Variants in C7 observed in about 807,000 individuals in gnomAD.
C7 encodes complement component C7.
A neutral mutation model predicts 104.8 loss-of-function variants in C7; 83 were observed. That is an observed-to-expected ratio of 0.79 (90% CI 0.66 to 0.95). The LOEUF is 0.95. Ranked by LOEUF, C7 falls within the 40% of genes least tolerant of loss-of-function variation. C7 has a pLI of 0.00. For synonymous variants in C7, 415 were observed against 360.6 expected (o/e 1.15, Z -1.71); for missense variants, 1,070 against 1,011.2 (o/e 1.06, Z -0.79).
intron 6 of C7, among the ~76,000 whole-genome samples, chr5:40,938,106 A>G (rs1244020260): frequency 6.6e-6 from 1 of 152,094 alleles, no homozygotes; most frequent in South Asian, 2.1e-4. Flanking sequence ...TGGATAACAT[A>G]TATGTGTAAT....
At chr5:40,966,219 G>A (rs796407080) in intron 14 of C7, among the ~76,000 whole-genome samples, 1 of 152,016 alleles carries the variant, frequency 6.6e-6, no homozygotes, top group African/African-American at 2.4e-5. Flanking sequence ...CACTCAGGCA[G>A]TACACACTGC....
At chr5:40,916,459 G>C (rs1739318837) in intron 1 of C7, among the ~76,000 whole-genome samples, 1 of 152,158 alleles carries the variant, frequency 6.6e-6, no homozygotes. Context: ...TTTAAAATCA[G>C]CCATTTGCAC....
intron 10 of C7, among the ~76,000 whole-genome samples, chr5:40,956,255 G>T (rs1252397861): frequency 6.6e-6 from 1 of 152,178 alleles, no homozygotes; most frequent in Non-Finnish European, 1.5e-5. Context: ...CCTAGAAAAA[G>T]ACCTGAAGCT....
intron 4 of C7, among the ~76,000 whole-genome samples, chr5:40,934,742 T>A (rs1739778857): frequency 6.6e-6 from 1 of 152,176 alleles, no homozygotes; most frequent in Non-Finnish European, 1.5e-5. Flanking sequence ...TTCTTGACAG[T>A]GTATTTTGAG....
At chr5:40,910,785 C>G (rs555369895) in intron 1 of C7, among the ~76,000 whole-genome samples, 2 of 136,564 alleles carry the variant, frequency 1.5e-5, no homozygotes, top group Non-Finnish European at 3.1e-5. Context: ...AGGTGAGACT[C>G]TCTCTCAAAA....
At chr5:40,921,533 C>T (rs1739437880) in intron 1 of C7, among the ~76,000 whole-genome samples, 1 of 151,704 alleles carries the variant, frequency 6.6e-6, no homozygotes, top group African/African-American at 2.4e-5. Flanking sequence ...AGGTATCACA[C>T]TACCTGCTTT....
chr5:40,964,257 G>T (rs1388993561), intron 13 of C7, among the ~76,000 whole-genome samples: 2 of 151,508 alleles, frequency 1.3e-5, no homozygotes, highest in East Asian at 1.9e-4. Flanking sequence ...TGGCCAGGCT[G>T]GTCTCGAACT....
chr5:40,946,866 T>G (rs1374708286), intron 7 of C7, among the ~76,000 whole-genome samples: 1 of 151,882 alleles, frequency 6.6e-6, no homozygotes, highest in African/African-American at 2.4e-5. Flanking sequence ...AAGACCAGCC[T>G]GGCCAACATG....
intron 11 of C7, 27 bp downstream of exon 11, chr5:40,958,288 A>AC: frequency 7.1e-7 from 1 of 1,399,456 alleles, no homozygotes. Context: ...TTCTCTAGCC[A>AC]CCCTGTACAC....
At chr5:40,937,726 G>T in intron 6 of C7, 36 bp downstream of exon 6, 1 of 1,496,884 alleles carries the variant, frequency 6.7e-7, no homozygotes. Flanking sequence ...ATCTGGAATT[G>T]TCAGAGAGCA....
At chr5:40,948,252 T>TA (rs35890516) in intron 8 of C7, among the ~76,000 whole-genome samples, 100,948 of 151,920 alleles carry the variant, frequency 0.66, 33,663 homozygotes, top group African/African-American at 0.73. Flanking sequence ...CTCATTCTTT[T>TA]AAAAAAATCC....
chr5:40,910,242 A>G (rs1305092253), intron 1 of C7, among the ~76,000 whole-genome samples: 1 of 152,244 alleles, frequency 6.6e-6, no homozygotes, highest in African/African-American at 2.4e-5. Context: ...TCAACAAAAG[A>G]TAAGACCAAA....
chr5:40,967,896 T>C (rs1424678343), intron 14 of C7: 1 of 152,330 alleles, frequency 6.6e-6, no homozygotes, highest in Non-Finnish European at 1.5e-5. Flanking sequence ...GATGTCTAGG[T>C]ATAATTTTCT....
Position 40,982,700 on chromosome 5 carries a change from G to A in C7, c.*1127G>A, listed in dbSNP as rs914253081. On this transcript the variant is annotated 3_prime_UTR_variant, in exon 18 of 18. Coordinates refer to ENST00000313164, the MANE Select transcript of C7 (RefSeq NM_000587.4). ...CCTATTCTGTGGATACAGTCCCAGA[G>A]TTTTCAGGGAGTACACAGGTAGATT... 6.6e-6 allele frequency: 1 copy of A among 152,340 alleles called. No homozygotes were observed. The highest frequency in any genetic ancestry group is 2.1e-4 in the South Asian group (1 of 4,828). 9.4% of individuals were successfully genotyped at this position (152,340 alleles called of 1,614,324 possible).
At chr5:40,916,381 AG>A (rs1166144626) in intron 1 of C7, among the ~76,000 whole-genome samples, 8 of 152,222 alleles carry the variant, frequency 5.3e-5, no homozygotes, top group African/African-American at 1.9e-4. Flanking sequence ...GAATAAGATG[AG>A]AGTCACTGCC....
chr5:40,913,192 C>T (rs1015541126), intron 1 of C7, among the ~76,000 whole-genome samples: 3 of 152,104 alleles, frequency 2.0e-5, no homozygotes, highest in Admixed American at 6.5e-5. Flanking sequence ...TTTTCTTTAT[C>T]CAATCATCTG....
intron 15 of C7, 100 bp from the exon 16 acceptor site, chr5:40,976,650 G>A: frequency 1.5e-6 from 1 of 679,342 alleles, no homozygotes; most frequent in Non-Finnish European, 2.5e-6. Flanking sequence ...CATTGCAGTT[G>A]GAGAATACTA....
At chr5:40,951,200 G>A (rs951063363) in intron 9 of C7, among the ~76,000 whole-genome samples, 3 of 152,114 alleles carry the variant, frequency 2.0e-5, no homozygotes, top group African/African-American at 2.4e-5. Context: ...CATGTCTTTT[G>A]TCCATTTTTA....
chr5:40,953,231 G>A (rs777139093), intron 9 of C7, among the ~76,000 whole-genome samples: 1 of 151,986 alleles, frequency 6.6e-6, no homozygotes, highest in Non-Finnish European at 1.5e-5. Flanking sequence ...TCATATGTGA[G>A]GGTTAAAAAA....
Sources: gnomAD v4.1 joint callset for allele counts (sites outside exome capture counted in the v4.1 genomes callset) on GRCh38, gnomAD v4.1.1 for gene constraint, MANE v1.5 for transcripts, NCBI Gene and HGNC (gene_info 2026-07-23, HGNC 2026-07-21) for gene names.